UMODL1: variants seen among roughly 807,000 people sequenced by gnomAD.
UMODL1 encodes the protein uromodulin like 1, also known as uromodulin-like 1.
UMODL1 carries 128 observed loss-of-function variants against 136.3 expected under a neutral mutation model. That is an observed-to-expected ratio of 0.94 (90% confidence interval 0.81 to 1.09). The LOEUF is 1.09. Ranked by LOEUF, UMODL1 falls within the 50% of genes least tolerant of loss-of-function variation. The pLI, the probability that UMODL1 is intolerant of heterozygous loss-of-function variation, is 0.00. For synonymous variants in UMODL1, 721 were observed against 720.0 expected (o/e 1.00, Z -0.02); for missense variants, 1,766 against 1,725.6 (o/e 1.02, Z -0.41).
At chr21:42,133,021 C>T (rs1356657777) in intron 21 of UMODL1, among the ~76,000 whole-genome samples, 3 of 152,232 alleles carry the variant, frequency 2.0e-5, no homozygotes, top group Non-Finnish European at 4.4e-5. Flanking sequence ...TTCTCACGTT[C>T]AAGAACAAGG....
rs887843182 is a variant in UMODL1, at chr21:42,142,568, T to A, written c.*494T>A. On this transcript the variant is annotated 3_prime_UTR_variant, in exon 23 of 23. Transcript: ENST00000408910. ...CGCGCTCTTGATGCTCTTTCGAAAA[T>A]AGGTCAGTCTTAGAAATACACTGCT... 1 of 152,254 alleles carries A rather than the reference T, an allele frequency of 6.6e-6. No individual in the cohort carries two copies. Among genetic ancestry groups the A allele is most frequent in the African/African-American group, 2.4e-5 (1 of 41,472 alleles). 9.4% of individuals were successfully genotyped at this position (152,254 alleles called of 1,614,324 possible).
At chr21:42,089,503 C>T (rs763670112) in intron 5 of UMODL1, among the ~76,000 whole-genome samples, 31 of 152,154 alleles carry the variant, frequency 2.0e-4, no homozygotes, top group Non-Finnish European at 3.5e-4. Flanking sequence ...TTCGAGGCAG[C>T]GAGGGAGAAC....
intron 2 of UMODL1, among the ~76,000 whole-genome samples, chr21:42,083,442 G>T (rs187028851): frequency 6.6e-6 from 1 of 152,266 alleles, no homozygotes; most frequent in East Asian, 1.9e-4. Flanking sequence ...TGTCACCTAG[G>T]TCGGCCCCCA....
rs1315870972 is a variant in UMODL1 at position 42,137,606 on chromosome 21, G to C, written c.3943G>C (p.Val1315Leu). Residue 1315 changes from valine to leucine, a missense_variant, in exon 22 of 23, where the codon GTG (valine) becomes CTG (leucine). By Grantham distance (32) the Val-to-Leu change is conservative. Coordinates refer to ENST00000408910, the MANE Select transcript of UMODL1 (RefSeq NM_001004416.3). ...KIQSNNFSYQ[V>L]FYE is the part of the protein sequence containing the mutation. ...CCAGTCCAACAACTTCAGCTACCAG[G>C]TGTTCTACGAATAGGAGGCGCAGGC... 1.2e-6 allele frequency: 2 copies of C among 1,613,848 alleles called. No individual in the cohort carries two copies. The highest frequency in any genetic ancestry group is 2.7e-5 in the African/African-American group (2 of 74,892).
At chr21:42,120,701 G>C in intron 15 of UMODL1, 1 of 171,466 alleles carries the variant, frequency 5.8e-6, no homozygotes, top group Non-Finnish European at 1.2e-5. Context: ...GCATCATGGC[G>C]AAAGGCAAAT....
intron 12 of UMODL1, 131 bp from the exon 13 acceptor site, chr21:42,113,442 C>G: frequency 8.7e-7 from 1 of 1,143,706 alleles, no homozygotes; most frequent in Non-Finnish European, 1.2e-6. Context: ...TCACCCATCA[C>G]CTCGGCGGCC....
At chr21:42,100,161 G>A (rs925464443) in intron 7 of UMODL1, among the ~76,000 whole-genome samples, 2 of 152,210 alleles carry the variant, frequency 1.3e-5, no homozygotes, top group African/African-American at 4.8e-5. Context: ...TGAATGTGGG[G>A]TTGCTGGGGC....
rs150352822 is a variant in UMODL1 at position 42,065,130 on chromosome 21, C to T, written c.-141+1916C>T. Among the ~76,000 whole-genome samples, 8 of 152,286 alleles carry T rather than the reference C, an allele frequency of 5.3e-5. No individual in the cohort carries two copies. In the South Asian group the frequency reaches 8.3e-4, roughly 16 times the overall value. ...CCTCAGCCCCGGCAGAAAGACTCCG[C>T]GCCTTGGGACATTGGTGTTTTCCAG... On this transcript the variant is annotated intron_variant, in intron 1 of 22. Coordinates refer to the UMODL1 transcript ENST00000400424.
chr21:42,136,824 C>T (rs529158005), intron 21 of UMODL1, among the ~76,000 whole-genome samples: 1 of 152,166 alleles, frequency 6.6e-6, no homozygotes, highest in South Asian at 2.1e-4. Flanking sequence ...GTGGCACGAT[C>T]TCAGCTCACT....
chr21:42,097,159 A>G (rs12481958), intron 6 of UMODL1, among the ~76,000 whole-genome samples: 36,869 of 152,226 alleles, frequency 0.24, 4,699 homozygotes, highest in South Asian at 0.38. Flanking sequence ...GCCGAAAATC[A>G]CTGGACAATC....
In UMODL1 at chr21:42,137,324, G is replaced by A. The variant is rs868123784; in HGVS notation, c.3776-115G>A. 3.0e-6 allele frequency: 4 copies of A among 1,316,808 alleles called. No homozygotes were observed. In the Admixed American group the frequency reaches 7.1e-5, roughly 23 times the overall value. 81.6% of individuals were successfully genotyped at this position (1,316,808 alleles called of 1,614,324 possible). A position where few individuals can be genotyped will look rare whatever the true frequency, so the allele number is the denominator to read the frequency against. ...CACAGGCACACGGGTGCACACGTGG[G>A]CCTTGCATTCCCCGTGCTTCAGATC... On this transcript the variant is annotated intron_variant, in intron 21 of 22. Transcript: ENST00000408910.
At chr21:42,132,232 CCATCTATCCATT>C (rs1367635503) in intron 21 of UMODL1, among the ~76,000 whole-genome samples, 4 of 152,122 alleles carry the variant, frequency 2.6e-5, no homozygotes, top group Admixed American at 2.6e-4. Flanking sequence ...ATCCATCCAT[CCATCTATCCATT>C]GGTCATCCAT....
upstream of UMODL1, among the ~76,000 whole-genome samples, chr21:42,070,642 T>A (rs765880538): frequency 2.0e-5 from 3 of 152,220 alleles, no homozygotes; most frequent in African/African-American, 4.8e-5. Context: ...TCAACGCCCG[T>A]GTAATGCTGC....
chr21:42,067,918 A>G (rs1250879752), upstream of UMODL1, among the ~76,000 whole-genome samples: 2 of 152,252 alleles, frequency 1.3e-5, no homozygotes, highest in Non-Finnish European at 2.9e-5. Flanking sequence ...GGCTGTGATA[A>G]GAAAGCCGAG....
rs1021259885 is a variant in UMODL1 at position 42,109,708 on chromosome 21, C to T, written c.1657+9C>T. On this transcript the variant is annotated intron_variant, in intron 10 of 22. Coordinates refer to ENST00000408910, the MANE Select transcript of UMODL1 (RefSeq NM_001004416.3). ...AGGCCGGGCCTGTGAGGGTACGTGT[C>T]GACCCCCCTGCCGACTCTGGGAAGA... 43 of 1,599,716 alleles carry T rather than the reference C, an allele frequency of 2.7e-5. No homozygotes were observed. The highest frequency in any genetic ancestry group is 5.0e-5 in the Admixed American group (3 of 59,956).
At chr21:42,108,644 C>A (rs544830444) in intron 9 of UMODL1, 1 of 324,290 alleles carries the variant, frequency 3.1e-6, no homozygotes, top group African/African-American at 2.2e-5. Context: ...CAGAAGCACG[C>A]GCAGAAGGCA....
At chr21:42,075,981 G>T in intron 1 of UMODL1, 24 bp from the exon 2 acceptor site, 2 of 1,610,466 alleles carry the variant, frequency 1.2e-6, no homozygotes, top group Non-Finnish European at 1.7e-6. Flanking sequence ...GTTCTCAGTC[G>T]CCTTCTTGCT....
chr21:42,069,207 C>T (rs370510709), upstream of UMODL1, among the ~76,000 whole-genome samples: 99 of 139,072 alleles, frequency 7.1e-4, 2 homozygotes, highest in South Asian at 0.018. Context: ...AAAATGCCTT[C>T]CATGGACAAA....
intron 1 of UMODL1, among the ~76,000 whole-genome samples, chr21:42,071,895 A>AAAAAAG (rs2066236186): frequency 6.6e-6 from 1 of 151,752 alleles, no homozygotes; most frequent in Non-Finnish European, 1.5e-5. Flanking sequence ...AAAAAAAAAA[A>AAAAAAG]AAATTAGCCA....
Sources: allele counts gnomAD v4.1 joint callset (sites outside exome capture counted in the v4.1 genomes callset), GRCh38; gene constraint gnomAD v4.1.1; transcripts MANE v1.5; gene names NCBI Gene and HGNC (gene_info 2026-07-23, HGNC 2026-07-21).